CNTNAP5: variants seen among roughly 807,000 people sequenced by gnomAD.
CNTNAP5 encodes the protein contactin-associated protein-like 5.
CNTNAP5 carries 72 observed loss-of-function variants against 150.2 expected under a neutral mutation model. The observed-to-expected ratio is 0.48, with a 90% CI of 0.40 to 0.58. The LOEUF (loss-of-function observed/expected upper bound fraction) is 0.58. CNTNAP5 is among the 20% of genes least tolerant of loss of function. The pLI is 0.00. For synonymous variants in CNTNAP5, 672 were observed against 619.8 expected (o/e 1.08, Z -1.25); for missense variants, 1,636 against 1,626.2 (o/e 1.01, Z -0.10).
At chr2:124,312,225 ATAAAG>A (rs1323760187) in intron 3 of CNTNAP5, among the ~76,000 whole-genome samples, 20 of 152,384 alleles carry the variant, frequency 1.3e-4, no homozygotes, top group Admixed American at 1.3e-3. Flanking sequence ...TATTTTAACA[ATAAAG>A]TAAAGTGTTT....
intron 10 of CNTNAP5, among the ~76,000 whole-genome samples, chr2:124,557,189 G>A (rs1695777926): frequency 6.6e-6 from 1 of 152,070 alleles, no homozygotes; most frequent in Non-Finnish European, 1.5e-5. Context: ...TCCCTAAGTG[G>A]CCACTAAAGA....
chr2:124,754,236 C>T (rs1680790663), intron 14 of CNTNAP5, among the ~76,000 whole-genome samples: 1 of 152,150 alleles, frequency 6.6e-6, no homozygotes, highest in Non-Finnish European at 1.5e-5. Context: ...CACCTCAGGG[C>T]ACACTAACGT....
chr2:124,772,826 A>G lies in CNTNAP5; in HGVS notation c.2561A>G (p.Asp854Gly), dbSNP rs1339642662. 6.2e-7 allele frequency: 1 copy of G among 1,613,566 alleles called. No homozygotes were observed. The highest frequency in any genetic ancestry group is 8.5e-7 in the Non-Finnish European group (1 of 1,179,668). ...CCTTCAGAGATCACCTTTGCCATCG[A>G]TGTTGGGAATGGTCCTGTGGAGCTT... ...SSPSEITFAI[D>G]VGNGPVELVV... Residue 854 changes from aspartate (D) to glycine (G), a missense_variant, in exon 17 of 24, where the codon GAT becomes GGT. Asp to Gly is a moderately conservative substitution (Grantham distance 94). Transcript: ENST00000682447.
At chr2:124,469,637 C>T (rs1448378975) in intron 6 of CNTNAP5, among the ~76,000 whole-genome samples, 14 of 151,792 alleles carry the variant, frequency 9.2e-5, no homozygotes, top group Non-Finnish European at 1.5e-5. Flanking sequence ...CATAGGTAAA[C>T]ATGTGTCATA....
At chr2:124,225,674 A>G (rs534931062) in intron 2 of CNTNAP5, among the ~76,000 whole-genome samples, 1 of 152,290 alleles carries the variant, frequency 6.6e-6, no homozygotes, top group East Asian at 1.9e-4. Context: ...TCAAGCATAC[A>G]ATAGAGTATT....
At chr2:124,039,758 G>T (rs1681317347) in intron 1 of CNTNAP5, among the ~76,000 whole-genome samples, 2 of 151,712 alleles carry the variant, frequency 1.3e-5, no homozygotes, top group African/African-American at 2.4e-5. Flanking sequence ...GCTTTGTATG[G>T]GTAATAAAAT....
At chr2:124,201,175 G>A (rs115876711) in intron 1 of CNTNAP5, among the ~76,000 whole-genome samples, 4 of 152,224 alleles carry the variant, frequency 2.6e-5, no homozygotes, top group Admixed American at 6.5e-5. Context: ...AGCACTGCTC[G>A]ACCTGCAGGT....
chr2:124,222,597 G>C (rs1466607573), intron 2 of CNTNAP5, among the ~76,000 whole-genome samples: 1 of 151,942 alleles, frequency 6.6e-6, no homozygotes, highest in Non-Finnish European at 1.5e-5. Flanking sequence ...AGAGAGCTAC[G>C]GGTCTATTAG....
intron 3 of CNTNAP5, among the ~76,000 whole-genome samples, chr2:124,363,798 C>T (rs749660534): frequency 1.4e-4 from 22 of 152,250 alleles, no homozygotes; most frequent in South Asian, 6.2e-4. Context: ...TCTAGATGTA[C>T]GCATATGTCC....
intron 19 of CNTNAP5, among the ~76,000 whole-genome samples, chr2:124,840,442 T>G (rs757118774): frequency 3.3e-5 from 5 of 152,104 alleles, no homozygotes; most frequent in Non-Finnish European, 7.4e-5. Context: ...TTTGTTTTGT[T>G]TGTAGATGTG....
intron 12 of CNTNAP5, among the ~76,000 whole-genome samples, chr2:124,620,636 A>G (rs563600476): frequency 6.6e-6 from 1 of 151,908 alleles, no homozygotes; most frequent in African/African-American, 2.4e-5. Flanking sequence ...ATCATCTAAC[A>G]TTTCTAGATC....
chr2:124,196,620 A>G (rs1685593096), intron 1 of CNTNAP5, among the ~76,000 whole-genome samples: 2 of 152,158 alleles, frequency 1.3e-5, no homozygotes, highest in Non-Finnish European at 2.9e-5. Context: ...GTTGTCTTGA[A>G]CCCCAAGGCA....
At chr2:124,086,140 T>A (rs1682684643) in intron 1 of CNTNAP5, among the ~76,000 whole-genome samples, 1 of 151,942 alleles carries the variant, frequency 6.6e-6, no homozygotes, top group Non-Finnish European at 1.5e-5. Context: ...TTTTATCAGT[T>A]CTATCAGTTA....
chr2:124,714,242 A>G (rs78943620), intron 13 of CNTNAP5, among the ~76,000 whole-genome samples: 6,560 of 152,156 alleles, frequency 0.043, 495 homozygotes, highest in African/African-American at 0.15. Context: ...TATCTGCTCA[A>G]TGAATCTTGG....
chr2:124,679,480 G>A (rs544373477), intron 13 of CNTNAP5, among the ~76,000 whole-genome samples: 6 of 151,932 alleles, frequency 3.9e-5, no homozygotes, highest in African/African-American at 1.2e-4. Context: ...TTTTACAGGT[G>A]AGGAAACTGA....
intron 3 of CNTNAP5, among the ~76,000 whole-genome samples, chr2:124,393,481 G>T (rs1359513727): frequency 6.6e-6 from 1 of 152,104 alleles, no homozygotes; most frequent in East Asian, 1.9e-4. Flanking sequence ...TTGCAGATAG[G>T]TCAAAGCAAA....
At chr2:124,873,209 G>C (rs1384253542) in intron 21 of CNTNAP5, among the ~76,000 whole-genome samples, 1 of 152,024 alleles carries the variant, frequency 6.6e-6, no homozygotes, top group African/African-American at 2.4e-5. Context: ...GAAGAGCGAG[G>C]AGGAAGGTGC....
chr2:124,175,196 G>A (rs535809066), intron 1 of CNTNAP5, among the ~76,000 whole-genome samples: 1 of 102,354 alleles, frequency 9.8e-6, no homozygotes, highest in South Asian at 3.0e-4. Flanking sequence ...TGTCTGTATG[G>A]GCATGTATAC....
chr2:124,768,041 C>T (rs1157683428), intron 16 of CNTNAP5, among the ~76,000 whole-genome samples: 1 of 152,124 alleles, frequency 6.6e-6, no homozygotes, highest in African/African-American at 2.4e-5. Context: ...TACCCCCACA[C>T]CAGAGAGTGG....
Sources: gnomAD v4.1 joint callset for allele counts (sites outside exome capture counted in the v4.1 genomes callset) on GRCh38, gnomAD v4.1.1 for gene constraint, MANE v1.5 for transcripts, NCBI Gene and HGNC (gene_info 2026-07-23, HGNC 2026-07-21) for gene names.